ZNF423: variants seen among roughly 807,000 people sequenced by gnomAD.
ZNF423 encodes Ebf-associated zinc finger protein.
ZNF423 carries 12 observed loss-of-function variants against 95.8 expected under a neutral mutation model. The observed-to-expected ratio is 0.13, with a 90% confidence interval of 0.08 to 0.20. The LOEUF (loss-of-function observed/expected upper bound fraction) is 0.20. ZNF423 is among the 10% of genes least tolerant of loss of function. The probability of loss-of-function intolerance (pLI) is 1.00; values close to 1 mark genes in which losing one functional copy is unlikely to be tolerated. For synonymous variants in ZNF423, 749 were observed against 711.9 expected (o/e 1.05, Z -0.83); for missense variants, 1,316 against 1,737.1 (o/e 0.76, Z 4.31).
chr16:49,529,219 T>C (rs1258530891), intron 5 of ZNF423, among the ~76,000 whole-genome samples: 1 of 151,688 alleles, frequency 6.6e-6, no homozygotes, highest in Non-Finnish European at 1.5e-5. Context: ...ATTTGTAAAG[T>C]GAAATGCAGA....
chr16:49,707,018 C>A (rs182848670), intron 3 of ZNF423, among the ~76,000 whole-genome samples: 13 of 152,340 alleles, frequency 8.5e-5, no homozygotes, highest in African/African-American at 3.1e-4. Flanking sequence ...TGTCACCCTT[C>A]TGCTGACCTC....
chr16:49,551,316 T>C (rs565451347), intron 5 of ZNF423, among the ~76,000 whole-genome samples: 3 of 152,350 alleles, frequency 2.0e-5, no homozygotes, highest in African/African-American at 4.8e-5. Context: ...AAAGCCTCCA[T>C]TGGAGATTTT....
intron 5 of ZNF423, among the ~76,000 whole-genome samples, chr16:49,574,367 G>A (rs1307554897): frequency 6.6e-6 from 1 of 152,218 alleles, no homozygotes. Context: ...GACAGAGCAA[G>A]ATCCTGTCTC....
chr16:49,659,286 G>A (rs769408331), intron 3 of ZNF423, among the ~76,000 whole-genome samples: 8 of 152,118 alleles, frequency 5.3e-5, no homozygotes, highest in African/African-American at 1.7e-4. Flanking sequence ...ATGAGGACTC[G>A]CTATGTATGT....
At chr16:49,829,511 G>C (rs1240671413) in intron 1 of ZNF423, among the ~76,000 whole-genome samples, 1 of 152,182 alleles carries the variant, frequency 6.6e-6, no homozygotes, top group Non-Finnish European at 1.5e-5. Flanking sequence ...CCAAACCTGT[G>C]CAGAAAGGGT....
Position 49,587,610 on chromosome 16 carries a change from T to C in ZNF423, c.3601+38560A>G, listed in dbSNP as rs541209659. On this transcript the variant is annotated intron_variant, in intron 5 of 7. Coordinates refer to ENST00000563137, the MANE Select transcript of ZNF423 (RefSeq NM_001379286.1). ...GGTGGAACAGGAGAGAGAAGGAAGT[T>C]AGGGCTGGACACCATTGATGAGGGT... is the stretch of plus-strand genomic sequence containing the variant. Among the ~76,000 whole-genome samples, 3 of 151,782 alleles carry C rather than the reference T, an allele frequency of 2.0e-5. No individual in the cohort carries two copies. In the East Asian group the frequency reaches 5.8e-4, roughly 29 times the overall value.
chr16:49,498,554 T>C (rs1251877825), intron 7 of ZNF423, among the ~76,000 whole-genome samples: 3 of 152,176 alleles, frequency 2.0e-5, no homozygotes, highest in African/African-American at 4.8e-5. Context: ...ATTTGAGCTG[T>C]GGAGTTACAG....
chr16:49,854,316 T>G lies in ZNF423; in HGVS notation c.40+1419A>C, dbSNP rs1332316164. The G allele has an allele frequency of 5.1e-6, 5 of 985,282 alleles. No homozygotes were observed. In the South Asian group the frequency reaches 2.3e-4, roughly 46 times the overall value. The allele number at this position is 985,282 out of a possible 1,614,324, so 61.0% of individuals were successfully genotyped here. A position where few individuals can be genotyped will look rare whatever the true frequency, so the allele number is the denominator to read the frequency against. ...TCCTTCTAATATGACGGGGAGGATC[T>G]CTGCTGGGCCGGGGGCAGTCCCTCC... On this transcript the variant is annotated intron_variant, in intron 1 of 7. Transcript: ENST00000563137.
intron 5 of ZNF423, among the ~76,000 whole-genome samples, chr16:49,530,137 T>C (rs553501614): frequency 1.3e-5 from 2 of 152,322 alleles, no homozygotes; most frequent in Admixed American, 6.5e-5. Context: ...TCTGAGCTTC[T>C]GCTTCTGCCA....
At chr16:49,826,858 A>G (rs1010302795) in intron 1 of ZNF423, 5 of 152,154 alleles carry the variant, frequency 3.3e-5, no homozygotes, top group South Asian at 2.1e-4. Context: ...ATACTCAAGT[A>G]GGGGTTTGAC....
chr16:49,595,652 G>A (rs1173308401), intron 5 of ZNF423, among the ~76,000 whole-genome samples: 2 of 152,198 alleles, frequency 1.3e-5, no homozygotes, highest in African/African-American at 4.8e-5. Flanking sequence ...ACCAAACCCA[G>A]ATTCACTAAT....
intron 5 of ZNF423, among the ~76,000 whole-genome samples, chr16:49,625,832 A>T (rs1972242852): frequency 6.6e-6 from 1 of 152,246 alleles, no homozygotes; most frequent in Admixed American, 6.5e-5. Context: ...TGAGCAGTTA[A>T]ATCTATTCAA....
At chr16:49,628,496 C>T (rs989764410) in intron 4 of ZNF423, among the ~76,000 whole-genome samples, 12 of 151,638 alleles carry the variant, frequency 7.9e-5, no homozygotes, top group African/African-American at 2.9e-4. Flanking sequence ...TGTCTGTCTA[C>T]CCATTCGTCC....
chr16:49,600,752 G>A (rs992253655), intron 5 of ZNF423, among the ~76,000 whole-genome samples: 4 of 152,180 alleles, frequency 2.6e-5, no homozygotes, highest in African/African-American at 9.7e-5. Flanking sequence ...TAATGGCCCC[G>A]AAGGCTCCCT....
In ZNF423 at chr16:49,637,311, G is replaced by A; in HGVS notation, c.1865C>T (p.Ser622Phe). 6.2e-7 allele frequency: 1 copy of A among 1,614,228 alleles called. No homozygotes were observed. The highest frequency in any genetic ancestry group is 8.5e-7 in the Non-Finnish European group (1 of 1,180,036). The change falls in exon 4 of 8, where the codon TCC becomes TTC. Residue 622 changes from serine (S) to phenylalanine (F), a missense_variant. This residue lies in a region of ZNF423 where 620 missense variants were observed against 775.6 expected (regional missense o/e 0.80). Coordinates refer to ENST00000563137, the MANE Select transcript of ZNF423 (RefSeq NM_001379286.1). The surrounding 1 kb of genome is among the most constrained non-coding windows in gnomAD (Gnocchi z 5.6). ...TGCTGAGAGCCGCTGCCGCTTCGGG[G>A]AAGACACCTCCACATCGGACGAGAC... ...SPVSSDVEVSSPKRQRLSASA... is the reference protein window; with the variant it reads ...SPVSSDVEVSFPKRQRLSASA...
intron 3 of ZNF423, among the ~76,000 whole-genome samples, chr16:49,682,114 C>A (rs901561698): frequency 1.8e-4 from 28 of 152,002 alleles, no homozygotes; most frequent in Non-Finnish European, 3.4e-4. Flanking sequence ...GAAGCCAGCT[C>A]TCACCCTACC....
chr16:49,619,690 G>T (rs145823061), intron 5 of ZNF423, among the ~76,000 whole-genome samples: 150 of 152,296 alleles, frequency 9.8e-4, no homozygotes, highest in African/African-American at 3.3e-3. Flanking sequence ...GGAGGGAGAG[G>T]GAGACATTTT....
chr16:49,775,847 C>G (rs901016057), intron 2 of ZNF423, among the ~76,000 whole-genome samples: 1 of 152,208 alleles, frequency 6.6e-6, no homozygotes, highest in African/African-American at 2.4e-5. Flanking sequence ...CCTGAAAACC[C>G]ATGCCCTTAA....
chr16:49,655,598 C>A (rs1296587734), intron 3 of ZNF423, among the ~76,000 whole-genome samples: 3 of 152,204 alleles, frequency 2.0e-5, no homozygotes, highest in Non-Finnish European at 4.4e-5. Context: ...TCACAAGGAT[C>A]CCTGCTGGGG....
Sources: gnomAD v4.1 joint callset for allele counts (sites outside exome capture counted in the v4.1 genomes callset) on GRCh38, gnomAD v4.1.1 for gene constraint, gnomAD v4.1.1 regional missense constraint, Gnocchi (gnomAD v3.1) non-coding constraint, MANE v1.5 for transcripts, NCBI Gene and HGNC (gene_info 2026-07-23, HGNC 2026-07-21) for gene names.